Variants in ZCWPW1 observed in about 807,000 individuals in gnomAD.
The protein encoded by ZCWPW1 is zinc finger CW-type PWWP domain protein 1.
A neutral mutation model predicts 81.3 loss-of-function variants in ZCWPW1; 56 were observed. The ratio of observed to expected loss-of-function variants is 0.69; its 90% CI spans 0.56 to 0.86. The LOEUF is 0.86. Ranked by LOEUF, ZCWPW1 falls within the 40% of genes least tolerant of loss-of-function variation. ZCWPW1 has a pLI of 0.00. For missense variants in ZCWPW1, 650 were observed against 769.8 expected, an observed-to-expected ratio of 0.84 and a Z score of 1.84; for synonymous variants, 250 against 273.7, an observed-to-expected ratio of 0.91 and a Z score of 0.86.
In ZCWPW1 at chr7:100,404,238, C is replaced by A; in HGVS notation, c.1261G>T (p.Val421Phe). The A allele has an allele frequency of 6.2e-7, 1 of 1,614,124 alleles. No homozygotes were observed. Among genetic ancestry groups the A allele is most frequent in the South Asian group, 1.1e-5 (1 of 91,082 alleles). ...CGGCTCCAGAAACCAAACAAGTTAA[C>A]CCGTTCCTAAGGGAACCAAGAAACA... The part of the protein sequence containing the change: ...EAEQISIQER[V>F]NLFGFWSRFN... The change falls in exon 14 of 18, where the codon GTT (valine) becomes TTT (phenylalanine). Residue 421 changes from valine to phenylalanine, a missense_variant. Transcript: ENST00000684423.
chr7:100,420,515 G>A, intron 3 of ZCWPW1, 107 bp downstream of exon 3: 2 of 1,333,214 alleles, frequency 1.5e-6, no homozygotes, highest in Non-Finnish European at 1.1e-6. Context: ...TTTGACCTGA[G>A]TGGGCACAGA....
intron 1 of ZCWPW1, among the ~76,000 whole-genome samples, chr7:100,427,931 C>G (rs1454446170): frequency 6.6e-6 from 1 of 151,892 alleles, no homozygotes; most frequent in African/African-American, 2.4e-5. Flanking sequence ...CTCCCCTCCA[C>G]CCCCACTCCT....
chr7:100,408,731 G>A (rs1028638986), intron 9 of ZCWPW1, 72 bp from the exon 10 acceptor site: 2 of 1,549,172 alleles, frequency 1.3e-6, no homozygotes, highest in Non-Finnish European at 1.7e-6. Flanking sequence ...GAGAGCTGGG[G>A]AGAGAACAAG....
At chr7:100,408,737 A>T in intron 9 of ZCWPW1, 78 bp from the exon 10 acceptor site, 1 of 1,535,984 alleles carries the variant, frequency 6.5e-7, no homozygotes, top group Non-Finnish European at 8.7e-7. Flanking sequence ...TGGGGAGAGA[A>T]CAAGAAGGAA....
At chr7:100,420,730 A>AGTAG in intron 2 of ZCWPW1, 52 bp from the exon 3 acceptor site, 2 of 1,572,096 alleles carry the variant, frequency 1.3e-6, no homozygotes, top group South Asian at 2.2e-5. Context: ...CAAGATTTTA[A>AGTAG]ACTTTCTGTC....
chr7:100,402,138 T>C, intron 16 of ZCWPW1, 97 bp from the exon 17 acceptor site: 2 of 1,458,432 alleles, frequency 1.4e-6, no homozygotes, highest in Admixed American at 4.4e-5. Context: ...CCCCACATCT[T>C]CTGCTCAGTT....
intron 8 of ZCWPW1, among the ~76,000 whole-genome samples, chr7:100,412,605 G>A (rs1225861367): frequency 1.3e-5 from 2 of 150,664 alleles, no homozygotes; most frequent in Non-Finnish European, 2.9e-5. Flanking sequence ...TTTTTGAGAC[G>A]GAGTCTCGCT....
chr7:100,418,997 A>G (rs1004262883), intron 5 of ZCWPW1, 114 bp downstream of exon 5: 82 of 826,660 alleles, frequency 9.9e-5, no homozygotes, highest in Middle Eastern at 2.3e-4. Context: ...CTCATCTAAT[A>G]TTACCTTATT....
intron 2 of ZCWPW1, among the ~76,000 whole-genome samples, chr7:100,421,972 G>A (rs909672994): frequency 5.8e-4 from 88 of 152,252 alleles, no homozygotes; most frequent in East Asian, 1.5e-3. Flanking sequence ...GATTACAGAC[G>A]TGAGCCACTA....
intron 15 of ZCWPW1, 107 bp downstream of exon 15, chr7:100,403,587 G>A: frequency 2.1e-6 from 2 of 956,456 alleles, no homozygotes; most frequent in South Asian, 3.0e-5. Context: ...ACTTTGGAAG[G>A]CTGAGGTGGG....
intron 8 of ZCWPW1, among the ~76,000 whole-genome samples, chr7:100,413,242 T>A (rs1794577940): frequency 6.6e-6 from 1 of 152,232 alleles, no homozygotes; most frequent in Non-Finnish European, 1.5e-5. Flanking sequence ...AAATGTTCAC[T>A]CTGTACATGG....
intron 8 of ZCWPW1, among the ~76,000 whole-genome samples, chr7:100,412,056 CCT>C (rs1157076644): frequency 1.3e-5 from 2 of 152,058 alleles, no homozygotes; most frequent in East Asian, 1.9e-4. Flanking sequence ...TCCCCCTCCC[CCT>C]GATTTTACTG....
chr7:100,404,077 C>T, intron 14 of ZCWPW1, 101 bp downstream of exon 14: 3 of 1,259,268 alleles, frequency 2.4e-6, no homozygotes, highest in African/African-American at 1.5e-5. Flanking sequence ...CCAGAATTAG[C>T]CTGATGATAG....
At chr7:100,415,754 A>T (rs1264479397) in intron 8 of ZCWPW1, among the ~76,000 whole-genome samples, 6 of 152,218 alleles carry the variant, frequency 3.9e-5, no homozygotes, top group Non-Finnish European at 8.8e-5. Context: ...CCTGGGAAAC[A>T]TCTAAAATGC....
At chr7:100,412,703 T>C (rs1008325660) in intron 8 of ZCWPW1, among the ~76,000 whole-genome samples, 17 of 152,242 alleles carry the variant, frequency 1.1e-4, no homozygotes, top group Admixed American at 7.2e-4. Context: ...TGCCTCAGCC[T>C]CCCGAATAGC....
At chr7:100,417,826 C>T (rs996210289) in intron 5 of ZCWPW1, among the ~76,000 whole-genome samples, 6 of 152,020 alleles carry the variant, frequency 3.9e-5, no homozygotes, top group African/African-American at 1.4e-4. Context: ...TCTCTTCAGC[C>T]TCATGAACTT....
At chr7:100,420,440 G>A (rs188514770) in intron 3 of ZCWPW1, among the ~76,000 whole-genome samples, 182 bp downstream of exon 3, 42 of 152,218 alleles carry the variant, frequency 2.8e-4, no homozygotes, top group Non-Finnish European at 5.4e-4. Context: ...GAGTTTATAT[G>A]TTCCTCGAGC....
chr7:100,414,213 G>A (rs562565757), intron 8 of ZCWPW1, among the ~76,000 whole-genome samples: 3 of 152,266 alleles, frequency 2.0e-5, no homozygotes, highest in South Asian at 4.1e-4. Context: ...TGCCTGCATA[G>A]TCTTGGAGTT....
intron 14 of ZCWPW1, 37 bp from the exon 15 acceptor site, chr7:100,403,822 A>G: frequency 1.3e-6 from 2 of 1,571,004 alleles, no homozygotes; most frequent in Non-Finnish European, 1.7e-6. Flanking sequence ...TAAATCATTC[A>G]TACCATAAAA....
Sources: allele counts gnomAD v4.1 joint callset (sites outside exome capture counted in the v4.1 genomes callset), GRCh38; gene constraint gnomAD v4.1.1; transcripts MANE v1.5; gene names NCBI Gene and HGNC (gene_info 2026-07-23, HGNC 2026-07-21).